Variants in CCDC47 observed in about 807,000 individuals in gnomAD.
CCDC47 encodes coiled-coil domain containing 47.
In CCDC47, 41 loss-of-function variants were observed where a neutral mutation model predicts 60.5. That is an observed-to-expected ratio of 0.68 (90% CI 0.53 to 0.88). The LOEUF is 0.88. Among genes scored for constraint, CCDC47 ranks in the 40% least tolerant of loss-of-function variants. The pLI, the probability that CCDC47 is intolerant of heterozygous loss-of-function variation, is 0.00. For synonymous variants in CCDC47, 195 were observed against 190.7 expected (o/e 1.02, Z -0.18); for missense variants, 513 against 580.9 (o/e 0.88, Z 1.20).
chr17:63,768,415 T>C (rs979536781), intron 1 of CCDC47, among the ~76,000 whole-genome samples: 23 of 147,876 alleles, frequency 1.6e-4, no homozygotes, highest in Non-Finnish European at 3.2e-4. Flanking sequence ...TTACATAGGG[T>C]GGTGGCTCTC....
At position 63,766,137 on chromosome 17, in the gene CCDC47, C is replaced by A. The variant is rs747991404; in HGVS notation, c.39G>T (p.Val13=). The stretch of plus-strand genomic sequence containing the variant: ...ACTTGGCTTCAGAGACACTCCCAAA[C>A]ACCAGAAGGACAACACAGAAAGTGT... ...AFHTFCVVLL[V]FGSVSEAKFD... The change falls in exon 2 of 13, where the codon GTG becomes GTT. Residue 13 remains valine (V), a synonymous_variant. Transcript: ENST00000225726. 34 of 1,613,882 alleles carry A rather than the reference C, an allele frequency of 2.1e-5. No homozygotes were observed. In the South Asian group the frequency reaches 3.6e-4, roughly 17 times the overall value.
chr17:63,748,883 G>C (rs1000152938), intron 12 of CCDC47, among the ~76,000 whole-genome samples: 4 of 151,664 alleles, frequency 2.6e-5, no homozygotes, highest in Non-Finnish European at 4.4e-5. Flanking sequence ...GTGTGGTGGC[G>C]GGCACCTGTA....
intron 6 of CCDC47, among the ~76,000 whole-genome samples, chr17:63,760,065 A>G (rs929825338): frequency 1.3e-5 from 2 of 149,994 alleles, no homozygotes; most frequent in African/African-American, 4.9e-5. Flanking sequence ...TCCGTCTCAA[A>G]AAAAAAAAAA....
intron 12 of CCDC47, among the ~76,000 whole-genome samples, chr17:63,748,311 C>T (rs2039135583): frequency 6.6e-6 from 1 of 152,114 alleles, no homozygotes; most frequent in Non-Finnish European, 1.5e-5. Flanking sequence ...TGGGGTTTCA[C>T]CATATTGGCC....
At position 63,764,078 on chromosome 17, in the gene CCDC47, C is replaced by G; in HGVS notation, c.485G>C (p.Arg162Pro). Reference sequence around the variant, plus strand: ...AGTGTTAAACCAGGCCTGTGCAAGGCGACTGTTTTTATTCTTCCCAATGAT... The same window carrying G: ...AGTGTTAAACCAGGCCTGTGCAAGGGGACTGTTTTTATTCTTCCCAATGAT... Reference protein sequence around the residue: ...NYIIGKNKNSRLAQAWFNTHR... With the variant: ...NYIIGKNKNSPLAQAWFNTHR... Residue 162 changes from arginine (R) to proline (P), a missense_variant, in exon 4 of 13, where the codon CGC (arginine) becomes CCC (proline). Arg to Pro is a moderately radical substitution (Grantham distance 103). Transcript: ENST00000225726. The G allele has an allele frequency of 6.2e-7, 1 of 1,613,386 alleles. No individual in the cohort carries two copies. Among genetic ancestry groups the G allele is most frequent in the Non-Finnish European group, 8.5e-7 (1 of 1,179,894 alleles).
intron 1 of CCDC47, among the ~76,000 whole-genome samples, chr17:63,767,283 T>C (rs770722448): frequency 2.0e-5 from 3 of 152,226 alleles, no homozygotes; most frequent in Non-Finnish European, 2.9e-5. Flanking sequence ...TTGTTCTTAG[T>C]GTGTATGATG....
chr17:63,761,381 A>G, intron 4 of CCDC47, 30 bp from the exon 5 acceptor site: 1 of 1,612,944 alleles, frequency 6.2e-7, no homozygotes, highest in Non-Finnish European at 8.5e-7. Context: ...ATGTGACTCA[A>G]CAGAAAATGT....
intron 1 of CCDC47, chr17:63,766,928 T>C (rs190330891): frequency 1.7e-5 from 17 of 984,574 alleles, no homozygotes; most frequent in African/African-American, 1.6e-4. Flanking sequence ...CACCCTTAGA[T>C]TGATTTGTGT....
At chr17:63,771,565 T>C (rs1170464431) in intron 1 of CCDC47, among the ~76,000 whole-genome samples, 2 of 152,334 alleles carry the variant, frequency 1.3e-5, no homozygotes, top group East Asian at 3.9e-4. Flanking sequence ...CTAGCTTCCT[T>C]TAACCATCTT....
In CCDC47 at chr17:63,761,353, TA is replaced by T. The variant is rs762708022; in HGVS notation, c.548-3del. On this transcript the variant is annotated splice_polypyrimidine_tract_variant and splice_region_variant and intron_variant, in intron 4 of 12. Coordinates refer to ENST00000225726, the MANE Select transcript of CCDC47 (RefSeq NM_020198.3). ...CTTCTTTGTTAGTTCCATCATCCCC[TA>T]GGGGTAAAACCACTTAATGTGACTC... 2 of 1,613,670 alleles carry T rather than the reference TA, an allele frequency of 1.2e-6. No homozygotes were observed. The highest frequency in any genetic ancestry group is 2.7e-5 in the African/African-American group (2 of 74,810).
At chr17:63,762,038 A>T (rs575418615) in intron 4 of CCDC47, 246 of 960,224 alleles carry the variant, frequency 2.6e-4, no homozygotes, top group Non-Finnish European at 2.6e-4. Flanking sequence ...ACTACTCAAC[A>T]ATTTCTCACT....
In CCDC47 at chr17:63,766,676, C is replaced by T. The variant is rs147639209; in HGVS notation, c.-19-482G>A. ...TGACCTCAGGGTGATCCATCTGTCT[C>T]GGCCTCCCAAAGTGCTGGGATTACA... On this transcript the variant is annotated intron_variant, in intron 1 of 12. Coordinates refer to ENST00000225726, the MANE Select transcript of CCDC47 (RefSeq NM_020198.3). 1.8e-3 allele frequency: 414 copies of T among 231,420 alleles called. 2 individuals carry two copies. Among genetic ancestry groups the T allele is most frequent in the African/African-American group, 9.1e-3 (393 of 43,072 alleles). 14.3% of individuals were successfully genotyped at this position (231,420 alleles called of 1,614,324 possible).
intron 2 of CCDC47, chr17:63,765,709 C>G (rs1370652726): frequency 2.5e-5 from 34 of 1,385,210 alleles, no homozygotes; most frequent in Non-Finnish European, 3.2e-5. Flanking sequence ...CTCTTCCAGT[C>G]AGGGTTTCAA....
chr17:63,751,790 C>T, intron 12 of CCDC47, 150 bp downstream of exon 12: 2 of 438,134 alleles, frequency 4.6e-6, no homozygotes, highest in Non-Finnish European at 7.2e-6. Flanking sequence ...ATTATTTATT[C>T]TTCTTTATAG....
chr17:63,766,564 C>T (rs1466764904), intron 1 of CCDC47, among the ~76,000 whole-genome samples: 7 of 152,132 alleles, frequency 4.6e-5, no homozygotes, highest in South Asian at 4.1e-4. Context: ...GCTGGGATTA[C>T]AGGCATGTGC....
intron 8 of CCDC47, among the ~76,000 whole-genome samples, chr17:63,755,144 T>TA (rs1422986884): frequency 3.3e-5 from 5 of 152,096 alleles, no homozygotes; most frequent in Non-Finnish European, 7.4e-5. Flanking sequence ...CTAATTTTTT[T>TA]ATTGTAGAGA....
intron 4 of CCDC47, among the ~76,000 whole-genome samples, chr17:63,763,504 A>C (rs1422395588): frequency 1.3e-5 from 2 of 152,010 alleles, no homozygotes; most frequent in Non-Finnish European, 2.9e-5. Flanking sequence ...AAGCCTGGGT[A>C]ACAGCGTGAG....
In CCDC47 at chr17:63,759,527, TTATATATATATATATA is replaced by T. The variant is rs770930100; in HGVS notation, c.735+1371_735+1386del. ...AAAAAAAATATATATATATATATAT[TTATATATATATATATA>T]TATATATATATATATATATATATAT... On this transcript the variant is annotated intron_variant, in intron 6 of 12. Transcript: ENST00000225726. Among the ~76,000 whole-genome samples the T allele has an allele frequency of 9.1e-3, 36 of 3,958 alleles. 5 individuals are homozygous for T. The highest frequency in any genetic ancestry group is 0.025 in the Admixed American group (5 of 204). 2.6% of individuals were successfully genotyped at this position (3,958 alleles called of 152,430 possible).
At chr17:63,752,644 G>T in intron 10 of CCDC47, 97 bp downstream of exon 10, 1 of 1,256,856 alleles carries the variant, frequency 8.0e-7, no homozygotes. Context: ...TTATAGTTTT[G>T]ACGTAGTTTT....
Sources: allele counts gnomAD v4.1 joint callset (sites outside exome capture counted in the v4.1 genomes callset), GRCh38; gene constraint gnomAD v4.1.1; transcripts MANE v1.5; gene names NCBI Gene and HGNC (gene_info 2026-07-23, HGNC 2026-07-21).